MGAM: variants seen among roughly 807,000 people sequenced by gnomAD.
MGAM encodes the protein alpha-1,4-glucosidase.
A neutral mutation model predicts 358.8 loss-of-function variants in MGAM; 253 were observed. That is an observed-to-expected ratio of 0.71 (90% CI 0.64 to 0.78). The LOEUF (loss-of-function observed/expected upper bound fraction) is 0.78. Among genes scored for constraint, MGAM ranks in the 30% least tolerant of loss-of-function variants. The pLI, the probability that MGAM is intolerant of heterozygous loss-of-function variation, is 0.00. For missense variants in MGAM, 3,080 were observed against 3,432.6 expected, an observed-to-expected ratio of 0.90 and a Z score of 2.57; for synonymous variants, 1,105 against 1,227.1, an observed-to-expected ratio of 0.90 and a Z score of 2.08.
intron 2 of MGAM, among the ~76,000 whole-genome samples, chr7:142,007,168 C>T (rs538105259): frequency 2.4e-4 from 36 of 152,228 alleles, no homozygotes; most frequent in African/African-American, 8.7e-4. Context: ...AAGTCCTGTT[C>T]AGACATGTTG....
intron 34 of MGAM, among the ~76,000 whole-genome samples, chr7:142,060,929 G>A (rs1231844204): frequency 1.3e-5 from 2 of 152,020 alleles, no homozygotes; most frequent in East Asian, 1.9e-4. Context: ...TCAGTTTCCA[G>A]CCTTATTGTA....
rs1554454764 is a variant in MGAM, at chr7:142,012,785, A to T, written c.327+4080A>T. Among the ~76,000 whole-genome samples the T allele has an allele frequency of 2.0e-5, 3 of 152,134 alleles. 1 individual carries two copies. Among genetic ancestry groups the T allele is most frequent in the African/African-American group, 7.2e-5 (3 of 41,426 alleles). ...GATCTTGTCTGGAGGTTTCAAGATGACTTTACTCACATACCTGGTACCTTG... is the reference window on the plus strand; with the variant it reads ...GATCTTGTCTGGAGGTTTCAAGATGTCTTTACTCACATACCTGGTACCTTG... On this transcript the variant is annotated intron_variant, in intron 3 of 70. Transcript: ENST00000475668.
rs775571398 is a variant in MGAM, at chr7:142,050,791, G to C, written c.2732G>C (p.Ser911Thr). 73 of 1,613,722 alleles carry C rather than the reference G, an allele frequency of 4.5e-5. No homozygotes were observed. The highest frequency in any genetic ancestry group is 6.0e-5 in the Non-Finnish European group (71 of 1,179,794). ...EIKILGTEEP[S>T]NVTVKHNGVP... The stretch of plus-strand genomic sequence containing the variant: ...AAAATTCTTGGGACGGAGGAACCTA[G>C]CAATGTTACAGTGAAACACAATGGT... Residue 911 changes from serine to threonine, a missense_variant, in exon 24 of 71, where the codon AGC becomes ACC. Physicochemically the swap from Ser to Thr is moderately conservative, Grantham distance 58 (BLOSUM62 1). This residue lies in a region of MGAM where 1,816 missense variants were observed against 1,840.5 expected (regional missense o/e 0.99). Transcript: ENST00000475668.
rs183358587 is a variant in MGAM, at chr7:142,016,114, G to A, written c.328-3085G>A. Among the ~76,000 whole-genome samples, 143 of 152,062 alleles carry A rather than the reference G, an allele frequency of 9.4e-4. 2 individuals carry two copies. In the East Asian group the frequency reaches 0.025, roughly 27 times the overall value. On this transcript the variant is annotated intron_variant, in intron 3 of 70. Transcript: ENST00000475668. ...TAGTTATCCTTTATGTTTCATGTTT[G>A]CTTTTGACATAAAGTACTTTCTTTG...
chr7:141,987,053 A>T (rs1174736434), intron 2 of MGAM, among the ~76,000 whole-genome samples: 5 of 152,274 alleles, frequency 3.3e-5, no homozygotes, highest in African/African-American at 1.2e-4. Context: ...GACAATGGAG[A>T]CGAAACACGA....
At chr7:142,037,109 C>A in intron 18 of MGAM, 132 bp downstream of exon 18, 2 of 913,686 alleles carry the variant, frequency 2.2e-6, no homozygotes, top group Non-Finnish European at 3.3e-6. Context: ...TATCTGTAAT[C>A]TAGCTATCTA....
chr7:142,058,900 T>A (rs1390452851), intron 31 of MGAM, among the ~76,000 whole-genome samples: 3 of 152,124 alleles, frequency 2.0e-5, no homozygotes, highest in Non-Finnish European at 2.9e-5. Flanking sequence ...ACATATTTAA[T>A]TTTATCCCAC....
In MGAM at chr7:142,094,398, G is replaced by A. The variant is rs769387358; in HGVS notation, c.7207G>A (p.Val2403Ile). The change falls in exon 61 of 71, where the codon GTC becomes ATC. Residue 2403 changes from valine to isoleucine, a missense_variant. Val to Ile is a conservative substitution (Grantham distance 29, BLOSUM62 3). Transcript: ENST00000475668. ...VQEVTGQRGV[V>I]ITRSTFPSSG... ...GGAGGTGACAGGACAGCGAGGGGTC[G>A]TCATCACCCGCTCCACATTTCCCTC... is the stretch of plus-strand genomic sequence containing the variant. 11 of 1,531,980 alleles carry A rather than the reference G, an allele frequency of 7.2e-6. 1 individual carries two copies. Among genetic ancestry groups the A allele is most frequent in the East Asian group, 2.4e-5 (1 of 42,434 alleles). The allele number at this position is 1,531,980 out of a possible 1,614,324, so 94.9% of individuals were successfully genotyped here. A position where few individuals can be genotyped will look rare whatever the true frequency, so the allele number is the denominator to read the frequency against.
rs1396262685 is a variant in MGAM at position 142,058,303 on chromosome 7, A to T, written c.3794A>T (p.Glu1265Val). Residue 1265 changes from glutamate (E) to valine (V), a missense_variant, in exon 31 of 71, where the codon GAG becomes GTG. This residue lies in a region of MGAM where 1,816 missense variants were observed against 1,840.5 expected (regional missense o/e 0.99). Transcript: ENST00000475668. ...TCTGAGATCGCCAGCTTGTATGATG[A>T]GATGGTGGCTGCCCAGATCCCTTAT... ...NDSEIASLYD[E>V]MVAAQIPYDV... is the part of the protein sequence containing the mutation. 1 of 1,613,822 alleles carries T rather than the reference A, an allele frequency of 6.2e-7. No homozygotes were observed. The highest frequency in any genetic ancestry group is 8.5e-7 in the Non-Finnish European group (1 of 1,179,844).
chr7:142,104,250 A>G (rs1263528931), intron 70 of MGAM, among the ~76,000 whole-genome samples: 1 of 152,210 alleles, frequency 6.6e-6, no homozygotes, highest in Non-Finnish European at 1.5e-5. Context: ...ATATGGAGGA[A>G]AATGTTGAGT....
chr7:142,060,077 T>C lies in MGAM; in HGVS notation c.4059+111T>C, dbSNP rs1333820823. On this transcript the variant is annotated intron_variant, in intron 33 of 70. Coordinates refer to ENST00000475668, the MANE Select transcript of MGAM (RefSeq NM_001365693.1). ...TGTATGTTATTTTTGGCCTTTTCTA[T>C]TTGGGCTCTGAGGTCAGAAGCTCTC... 6.0e-6 allele frequency: 8 copies of C among 1,333,100 alleles called. No individual in the cohort carries two copies. The East Asian group carries it at 2.0e-4, about 34-fold the overall frequency. 82.6% of individuals were successfully genotyped at this position (1,333,100 alleles called of 1,614,324 possible).
chr7:142,037,797 G>A (rs898446905), intron 18 of MGAM, among the ~76,000 whole-genome samples: 8 of 152,170 alleles, frequency 5.3e-5, no homozygotes, highest in Middle Eastern at 3.4e-3. Context: ...ATATATTTAT[G>A]GGGTATATGA....
intron 59 of MGAM, 147 bp from the exon 60 acceptor site, chr7:142,093,265 G>A: frequency 1.9e-6 from 2 of 1,080,988 alleles, no homozygotes; most frequent in South Asian, 2.9e-5. Context: ...AGAGCTGGGG[G>A]CGCTGTGCTC....
chr7:142,088,030 G>A (rs1412109243), intron 57 of MGAM, among the ~76,000 whole-genome samples: 1 of 146,316 alleles, frequency 6.8e-6, no homozygotes, highest in East Asian at 2.0e-4. Context: ...AGGGCAAGTG[G>A]TGAGTCCTAG....
intron 42 of MGAM, among the ~76,000 whole-genome samples, chr7:142,067,959 T>A (rs1335953636): frequency 0.011 from 399 of 36,000 alleles, 10 homozygotes; most frequent in African/African-American, 0.03. Context: ...TATATATATA[T>A]ATATAAATAT....
At chr7:142,103,488 C>G in intron 70 of MGAM, 49 bp downstream of exon 70, 1 of 1,484,368 alleles carries the variant, frequency 6.7e-7, no homozygotes, top group Non-Finnish European at 9.0e-7. Context: ...CCTTAATATG[C>G]CTAGTGCAGT....
chr7:141,999,994 A>G (rs1439272378), intron 1 of MGAM, among the ~76,000 whole-genome samples: 1 of 152,192 alleles, frequency 6.6e-6, no homozygotes, highest in Non-Finnish European at 1.5e-5. Context: ...ATTTGAAAAT[A>G]TGGAGCAAAA....
rs138431189 is a variant in MGAM, at chr7:142,090,502, G to A, written c.6811-1411G>A. On this transcript the variant is annotated intron_variant, in intron 57 of 70. Coordinates refer to ENST00000475668, the MANE Select transcript of MGAM (RefSeq NM_001365693.1). Reference sequence around the variant, plus strand: ...ATGCCCACTTCTGTCAAGATTCTCCGTGATGTGACCCACTGTCTTCTCACA... The same window carrying A: ...ATGCCCACTTCTGTCAAGATTCTCCATGATGTGACCCACTGTCTTCTCACA... Among the ~76,000 whole-genome samples the A allele has an allele frequency of 3.8e-4, 56 of 145,832 alleles. 4 individuals carry two copies. Among genetic ancestry groups the A allele is most frequent in the Admixed American group, 2.5e-3 (36 of 14,502 alleles).
rs796357583 is a variant in MGAM, at chr7:142,070,065, C to T, written c.5062-929C>T. ...ACAATTAGCCGGGTGTAGGGGCATG[C>T]ACCTGTAGTCCCAGCTACTCGGGAG... is the stretch of plus-strand genomic sequence containing the variant. On this transcript the variant is annotated intron_variant, in intron 43 of 70. Coordinates refer to ENST00000475668, the MANE Select transcript of MGAM (RefSeq NM_001365693.1). Among the ~76,000 whole-genome samples, 32 of 144,448 alleles carry T rather than the reference C, an allele frequency of 2.2e-4. 1 individual carries two copies. The highest frequency in any genetic ancestry group is 7.1e-4 in the African/African-American group (29 of 40,972). The allele number at this position is 144,448 out of a possible 152,430, so 94.8% of individuals were successfully genotyped here.
Sources: allele counts gnomAD v4.1 joint callset (sites outside exome capture counted in the v4.1 genomes callset), GRCh38; gene constraint gnomAD v4.1.1; regional missense constraint gnomAD v4.1.1; transcripts MANE v1.5; gene names NCBI Gene and HGNC (gene_info 2026-07-23, HGNC 2026-07-21).